Variants in CYBB observed in about 807,000 individuals in gnomAD.
CYBB encodes cytochrome b-245 beta chain.
Under a neutral mutation model 46.5 loss-of-function variants are expected in CYBB, and 5 were observed. The observed-to-expected ratio is 0.11, with a 90% CI of 0.06 to 0.23. The LOEUF is 0.23. Among genes scored for constraint, CYBB ranks in the 10% least tolerant of loss-of-function variants. CYBB has a pLI of 1.00. For synonymous variants in CYBB, 183 were observed against 156.7 expected, an observed-to-expected ratio of 1.17 and a Z score of -1.26; for missense variants, 307 against 428.3, an observed-to-expected ratio of 0.72 and a Z score of 2.50.
At chrX:37,796,847 G>GT (rs1318538143) in intron 6 of CYBB, among the ~76,000 whole-genome samples, 5 of 111,943 alleles carry the variant, frequency 4.5e-5, no homozygotes, top group Non-Finnish European at 7.5e-5. Context: ...CACCTCTCTG[G>GT]TAAGTGGCCC....
chrX:37,787,935 C>T (rs1929107400), intron 3 of CYBB, among the ~76,000 whole-genome samples: 2 of 111,901 alleles, frequency 1.8e-5, no homozygotes, highest in African/African-American at 3.2e-5. Context: ...GTTGGACCCA[C>T]TCCACTGATC....
chrX:37,801,626 G>GTGTGTGTT (rs1556469991), intron 8 of CYBB, among the ~76,000 whole-genome samples: 2 of 108,060 alleles, frequency 1.9e-5, no homozygotes, highest in African/African-American at 6.8e-5. Flanking sequence ...GTGTGTGTGT[G>GTGTGTGTT]TGTTTGTGTC....
chrX:37,792,144 A>C, intron 4 of CYBB, 85 bp downstream of exon 4: 1 of 598,594 alleles, frequency 1.7e-6, no homozygotes, highest in Admixed American at 2.4e-5. Flanking sequence ...CCAGTTTTAT[A>C]GTTAGATTAA....
At chrX:37,793,562 C>A in intron 4 of CYBB, 103 bp from the exon 5 acceptor site, 1 of 929,931 alleles carries the variant, frequency 1.1e-6, no homozygotes. Flanking sequence ...CCTTTGTCTC[C>A]CTGTGGCTTA....
chrX:37,807,528 G>A (rs1929589647), intron 11 of CYBB, among the ~76,000 whole-genome samples: 1 of 109,875 alleles, frequency 9.1e-6, no homozygotes, highest in Non-Finnish European at 1.9e-5. Flanking sequence ...CCAACCCTAT[G>A]AAGTAGCTCT....
chrX:37,787,442 TTTTTTTCTTA>T (rs1169905169), intron 3 of CYBB, among the ~76,000 whole-genome samples: 1 of 112,093 alleles, frequency 8.9e-6, no homozygotes, highest in African/African-American at 3.2e-5. Flanking sequence ...TCTTGAAATA[TTTTTTTCTTA>T]CTCAGTTTCA....
In CYBB at chrX:37,796,152, A is replaced by T; in HGVS notation, c.674+11A>T. On this transcript the variant is annotated intron_variant, in intron 6 of 12. Transcript: ENST00000378588. Reference sequence around the variant, plus strand: ...CATCCATGGAGCTGAGTGAGTGTTTAAATTCTGAAGTGAAGGATTTCATGT... The same window carrying T: ...CATCCATGGAGCTGAGTGAGTGTTTTAATTCTGAAGTGAAGGATTTCATGT... 1 of 1,191,557 alleles carries T rather than the reference A, an allele frequency of 8.4e-7. No individual in the cohort carries two copies. The highest frequency in any genetic ancestry group is 1.1e-6 in the Non-Finnish European group (1 of 877,405).
chrX:37,793,647 C>G lies in CYBB; in HGVS notation c.338-18C>G, dbSNP rs2146810188. 2 of 1,206,437 alleles carry G rather than the reference C, an allele frequency of 1.7e-6. No individual in the cohort carries two copies. The highest frequency in any genetic ancestry group is 1.1e-6 in the Non-Finnish European group (1 of 892,519). Reference sequence around the variant, plus strand: ...CATACCCTTCATTCTCTTTGTTTCTCTTCTCTGCCCTTTTCAGCGATTCAC... The same window carrying G: ...CATACCCTTCATTCTCTTTGTTTCTGTTCTCTGCCCTTTTCAGCGATTCAC... On this transcript the variant is annotated intron_variant, in intron 4 of 12. Coordinates refer to ENST00000378588, the MANE Select transcript of CYBB (RefSeq NM_000397.4).
intron 9 of CYBB, 118 bp downstream of exon 9, chrX:37,804,248 A>G (rs1929506270): frequency 1.4e-6 from 1 of 729,843 alleles, no homozygotes; most frequent in Non-Finnish European, 2.1e-6. Flanking sequence ...CTAAGAATAT[A>G]GGTAGCTATT....
intron 11 of CYBB, among the ~76,000 whole-genome samples, chrX:37,807,307 A>T (rs868944611): frequency 1.5e-4 from 16 of 109,645 alleles, no homozygotes; most frequent in Middle Eastern, 4.7e-3. Flanking sequence ...CATATAAAGG[A>T]TTCTGTATAT....
Position 37,811,263 on chromosome X carries a change from G to A in CYBB, c.*346G>A. The A allele has an allele frequency of 4.7e-6, 1 of 214,873 alleles. No homozygotes were observed. Among genetic ancestry groups the A allele is most frequent in the Middle Eastern group, 1.8e-3 (1 of 569 alleles). The allele number at this position is 214,873 out of a possible 1,213,427, so 17.7% of individuals were successfully genotyped here. A position where few individuals can be genotyped will look rare whatever the true frequency, so the allele number is the denominator to read the frequency against. ...GATTATGAAACTGTGACCAGATCTA[G>A]CCCATCTTACTCCAGGTTTGATACT... On this transcript the variant is annotated 3_prime_UTR_variant, in exon 13 of 13. Coordinates refer to ENST00000378588, the MANE Select transcript of CYBB (RefSeq NM_000397.4).
intron 7 of CYBB, among the ~76,000 whole-genome samples, chrX:37,800,632 T>C (rs1929416871): frequency 9.0e-6 from 1 of 111,530 alleles, no homozygotes; most frequent in African/African-American, 3.3e-5. Context: ...TGTTTTTATA[T>C]GGCCAATAAT....
chrX:37,789,860 C>T (rs996290431), intron 3 of CYBB, among the ~76,000 whole-genome samples: 20 of 112,086 alleles, frequency 1.8e-4, no homozygotes, highest in African/African-American at 6.5e-4. Context: ...TAATTATAAC[C>T]AATGCATTGG....
chrX:37,788,117 G>A (rs1029306985), intron 3 of CYBB, among the ~76,000 whole-genome samples: 5 of 111,712 alleles, frequency 4.5e-5, no homozygotes, highest in Non-Finnish European at 9.4e-5. Flanking sequence ...TTTCTCTAAG[G>A]ATCTACAGTT....
intron 5 of CYBB, among the ~76,000 whole-genome samples, chrX:37,794,783 A>G (rs1929267462): frequency 9.0e-6 from 1 of 111,411 alleles, no homozygotes; most frequent in African/African-American, 3.3e-5. Context: ...GCACCCAATG[A>G]CTTGGGAAGA....
chrX:37,813,194 A>C lies in CYBB; in HGVS notation c.*2277A>C, dbSNP rs1440678544. 1 of 103,454 alleles carries C rather than the reference A, an allele frequency of 9.7e-6. No homozygotes were observed. Among genetic ancestry groups the C allele is most frequent in the Non-Finnish European group, 2.0e-5 (1 of 51,253 alleles). 8.5% of individuals were successfully genotyped at this position (103,454 alleles called of 1,213,427 possible). On this transcript the variant is annotated 3_prime_UTR_variant, in exon 13 of 13. Coordinates refer to ENST00000378588, the MANE Select transcript of CYBB (RefSeq NM_000397.4). The stretch of plus-strand genomic sequence containing the variant: ...CACCAGCTGCCAGCCACCAGCAGCC[A>C]GCTGCCAGCCTAGCTTTTTTTTTTT...
At chrX:37,782,332 G>A in intron 2 of CYBB, 149 bp downstream of exon 2, 2 of 500,658 alleles carry the variant, frequency 4.0e-6, no homozygotes, top group Non-Finnish European at 7.1e-6. Context: ...CAACTTCCTG[G>A]GCAACAGTCA....
intron 3 of CYBB, among the ~76,000 whole-genome samples, chrX:37,788,009 C>T (rs1380795564): frequency 2.7e-5 from 3 of 111,826 alleles, no homozygotes; most frequent in Non-Finnish European, 5.6e-5. Context: ...CATTAACTAG[C>T]TTTTTAAAAA....
chrX:37,785,324 C>T (rs782476189), intron 3 of CYBB, among the ~76,000 whole-genome samples: 6 of 112,322 alleles, frequency 5.3e-5, no homozygotes, highest in South Asian at 3.6e-4. Flanking sequence ...TTCTATGCTA[C>T]GCAATGTTGT....
Sources: gnomAD v4.1 joint callset for allele counts (sites outside exome capture counted in the v4.1 genomes callset) on GRCh38, gnomAD v4.1.1 for gene constraint, MANE v1.5 for transcripts, NCBI Gene and HGNC (gene_info 2026-07-23, HGNC 2026-07-21) for gene names.